The following ARHGAP26 variants were observed in gnomAD, a reference collection of about 807,000 sequenced individuals.
The protein encoded by ARHGAP26 is rho GTPase-activating protein 26.
A neutral mutation model predicts 104.8 loss-of-function variants in ARHGAP26; 38 were observed. That is an observed-to-expected ratio of 0.36 (90% CI 0.28 to 0.48). The LOEUF (loss-of-function observed/expected upper bound fraction) is 0.48, where lower values mean the gene tolerates loss of function less well. ARHGAP26 is among the 20% of genes least tolerant of loss of function. The pLI is 0.99. For synonymous variants in ARHGAP26, 341 were observed against 340.0 expected, an observed-to-expected ratio of 1.00 and a Z score of -0.03; for missense variants, 704 against 947.9, an observed-to-expected ratio of 0.74 and a Z score of 3.38.
At chr5:142,894,026 T>C (rs1167693588) in intron 5 of ARHGAP26, among the ~76,000 whole-genome samples, 2 of 152,064 alleles carry the variant, frequency 1.3e-5, no homozygotes, top group Non-Finnish European at 2.9e-5. Context: ...TTTTTTTTGT[T>C]TTAAAAAAAT....
At chr5:142,889,618 A>T (rs1758208850) in intron 5 of ARHGAP26, among the ~76,000 whole-genome samples, 1 of 152,040 alleles carries the variant, frequency 6.6e-6, no homozygotes, top group African/African-American at 2.4e-5. Flanking sequence ...ACTCTGTCTC[A>T]AGAAAGGAAT....
intron 17 of ARHGAP26, among the ~76,000 whole-genome samples, chr5:143,110,304 T>C (rs1156482223): frequency 1.3e-5 from 2 of 152,216 alleles, no homozygotes; most frequent in Non-Finnish European, 1.5e-5. Context: ...CACCAGTATA[T>C]CTCCAGCACT....
intron 20 of ARHGAP26, among the ~76,000 whole-genome samples, chr5:143,165,759 C>G (rs1392149808): frequency 6.6e-6 from 1 of 152,186 alleles, no homozygotes; most frequent in Non-Finnish European, 1.5e-5. Context: ...TCATTTCTAT[C>G]TTTATGTGCA....
Position 142,868,374 on chromosome 5 carries a change from C to G in ARHGAP26, c.155-5026C>G, listed in dbSNP as rs539341866. Among the ~76,000 whole-genome samples the G allele has an allele frequency of 3.3e-5, 5 of 152,192 alleles. No homozygotes were observed. The South Asian group carries it at 1.0e-3, about 32-fold the overall frequency. On this transcript the variant is annotated intron_variant, in intron 1 of 22. Coordinates refer to ENST00000645722, the MANE Select transcript of ARHGAP26 (RefSeq NM_001135608.3). ...CCTTGGGAGGGACTTTCGTCTTCAC[C>G]TCCAGAGCTCTGGGAAGCCATCACA...
At chr5:142,960,859 TCTG>T (rs1408233701) in intron 11 of ARHGAP26, among the ~76,000 whole-genome samples, 1 of 152,228 alleles carries the variant, frequency 6.6e-6, no homozygotes, top group Non-Finnish European at 1.5e-5. Flanking sequence ...CTCATGCTGT[TCTG>T]CTGGTCTTCA....
intron 17 of ARHGAP26, among the ~76,000 whole-genome samples, chr5:143,104,372 G>A (rs888203680): frequency 5.3e-5 from 8 of 151,946 alleles, no homozygotes; most frequent in African/African-American, 1.9e-4. Context: ...TACCCTGCAG[G>A]TAGTGGCACG....
chr5:142,779,875 C>G (rs1402968370), intron 1 of ARHGAP26, among the ~76,000 whole-genome samples: 1 of 152,160 alleles, frequency 6.6e-6, no homozygotes, highest in African/African-American at 2.4e-5. Flanking sequence ...ATTAGTCGAA[C>G]AAATAAAATA....
Position 142,974,802 on chromosome 5 carries a change from G to T in ARHGAP26, c.1108-39278G>T, listed in dbSNP as rs556307160. Among the ~76,000 whole-genome samples, 3 of 152,258 alleles carry T rather than the reference G, an allele frequency of 2.0e-5. No homozygotes were observed. The South Asian group carries it at 6.2e-4, about 32-fold the overall frequency. On this transcript the variant is annotated intron_variant, in intron 11 of 22. Transcript: ENST00000645722. ...TTTTCCTCCTCAACTATTTAGCATTGTGAATAGTTTCCCCTTTTGTTCCTT... is the reference window on the plus strand; with the variant it reads ...TTTTCCTCCTCAACTATTTAGCATTTTGAATAGTTTCCCCTTTTGTTCCTT...
chr5:142,900,717 T>G (rs1173356662), intron 6 of ARHGAP26, among the ~76,000 whole-genome samples: 1 of 152,050 alleles, frequency 6.6e-6, no homozygotes, highest in Non-Finnish European at 1.5e-5. Context: ...GTTTAGTAAG[T>G]AAAGTAAATT....
intron 10 of ARHGAP26, among the ~76,000 whole-genome samples, chr5:142,916,923 C>A (rs1307612679): frequency 2.0e-5 from 3 of 152,098 alleles, no homozygotes; most frequent in Non-Finnish European, 4.4e-5. Context: ...TCCCATACTG[C>A]TGAGGAATCT....
At chr5:142,853,816 A>G (rs1751929334) in intron 1 of ARHGAP26, among the ~76,000 whole-genome samples, 1 of 152,178 alleles carries the variant, frequency 6.6e-6, no homozygotes, top group Non-Finnish European at 1.5e-5. Context: ...GCAGGAGGCT[A>G]CAAGCTTCCA....
Position 143,134,068 on chromosome 5 carries a change from C to G in ARHGAP26, c.1800C>G (p.Pro600=), listed in dbSNP as rs1312884552. The part of the protein sequence containing the change: ...DSKPPSCSER[P]LTLFHTVQST... Reference sequence around the variant, plus strand: ...AGCCCCCGTCCTGCAGCGAGAGGCCCCTGACGCTCTTCCACACCGTTCAGT... The same window carrying G: ...AGCCCCCGTCCTGCAGCGAGAGGCCGCTGACGCTCTTCCACACCGTTCAGT... The change falls in exon 19 of 23, where the codon CCC becomes CCG. Residue 600 remains proline, a synonymous_variant. Transcript: ENST00000645722. The G allele has an allele frequency of 3.1e-6, 5 of 1,612,552 alleles. No individual in the cohort carries two copies. Among genetic ancestry groups the G allele is most frequent in the Middle Eastern group, 1.7e-4 (1 of 6,056 alleles).
At chr5:143,191,318 A>G (rs1465142505) in intron 20 of ARHGAP26, among the ~76,000 whole-genome samples, 1 of 152,244 alleles carries the variant, frequency 6.6e-6, no homozygotes, top group African/African-American at 2.4e-5. Flanking sequence ...GAAACATTAA[A>G]TGACTGTGTA....
intron 1 of ARHGAP26, among the ~76,000 whole-genome samples, chr5:142,861,478 G>A (rs1217617026): frequency 6.6e-6 from 1 of 151,754 alleles, no homozygotes; most frequent in African/African-American, 2.4e-5. Context: ...TGGTATTAGT[G>A]GCAAGGAGTG....
intron 17 of ARHGAP26, among the ~76,000 whole-genome samples, chr5:143,092,063 C>T (rs1791511445): frequency 6.6e-6 from 1 of 151,834 alleles, no homozygotes; most frequent in African/African-American, 2.4e-5. Context: ...TACAATATTT[C>T]TTGCATAAAT....
intron 20 of ARHGAP26, among the ~76,000 whole-genome samples, chr5:143,176,930 A>G (rs893638734): frequency 5.9e-5 from 9 of 152,230 alleles, no homozygotes; most frequent in Admixed American, 2.0e-4. Context: ...TGTAAAGTAT[A>G]TAACTAGTTC....
At chr5:142,849,961 A>G (rs763760262) in intron 1 of ARHGAP26, among the ~76,000 whole-genome samples, 28 of 151,950 alleles carry the variant, frequency 1.8e-4, no homozygotes, top group Non-Finnish European at 3.4e-4. Context: ...TCTTCTCACC[A>G]CGCCAACCAC....
At chr5:143,122,258 C>G (rs1187058660) in intron 18 of ARHGAP26, among the ~76,000 whole-genome samples, 1 of 152,194 alleles carries the variant, frequency 6.6e-6, no homozygotes, top group Non-Finnish European at 1.5e-5. Context: ...TGCATCTCTC[C>G]TATAGCCATC....
At chr5:143,119,802 C>T (rs970864058) in intron 17 of ARHGAP26, among the ~76,000 whole-genome samples, 1 of 151,884 alleles carries the variant, frequency 6.6e-6, no homozygotes, top group African/African-American at 2.4e-5. Flanking sequence ...GAAAAGTACA[C>T]ATCTGCTAAT....
Sources: gnomAD v4.1 joint callset for allele counts (sites outside exome capture counted in the v4.1 genomes callset) on GRCh38, gnomAD v4.1.1 for gene constraint, MANE v1.5 for transcripts, NCBI Gene and HGNC (gene_info 2026-07-23, HGNC 2026-07-21) for gene names.